ZNF519: variants seen among roughly 807,000 people sequenced by gnomAD.
The protein encoded by ZNF519 is similar to Zinc finger protein 85 (Zinc finger protein HPF4) (HTF1).
ZNF519 carries 7 observed loss-of-function variants against 7.4 expected under a neutral mutation model. The observed-to-expected ratio is 0.94, with a 90% CI of 0.54 to 1.77. The LOEUF (loss-of-function observed/expected upper bound fraction) is 1.77. Among genes scored for constraint, ZNF519 ranks in the 40% most tolerant of loss-of-function variants. ZNF519 has a pLI of 0.00. For synonymous variants in ZNF519, 179 were observed against 203.3 expected, an observed-to-expected ratio of 0.88 and a Z score of 1.02; for missense variants, 586 against 623.1, an observed-to-expected ratio of 0.94 and a Z score of 0.63.
rs955883573 is a variant in ZNF519, at chr18:14,100,579, T to G, written c.*4338A>C. The G allele has an allele frequency of 1.3e-5, 2 of 152,214 alleles. No homozygotes were observed. Among genetic ancestry groups the G allele is most frequent in the Admixed American group, 1.3e-4 (2 of 15,286 alleles). The allele number at this position is 152,214 out of a possible 1,614,324, so 9.4% of individuals were successfully genotyped here. A position where few individuals can be genotyped will look rare whatever the true frequency, so the allele number is the denominator to read the frequency against. On this transcript the variant is annotated 3_prime_UTR_variant, in exon 3 of 3. Transcript: ENST00000590202. Reference sequence around the variant, plus strand: ...AGGAAAAGGGCCAATTACAAAAGGTTGCACAGGTTATGATTTCATTTATAT... The same window carrying G: ...AGGAAAAGGGCCAATTACAAAAGGTGGCACAGGTTATGATTTCATTTATAT...
chr18:14,128,690 A>C (rs1324692894), intron 1 of ZNF519, among the ~76,000 whole-genome samples: 1 of 130,556 alleles, frequency 7.7e-6, no homozygotes, highest in African/African-American at 3.0e-5. Context: ...TTCTGAGTCA[A>C]ACACACACAC....
chr18:14,095,219 T>C (rs1038887670), downstream of ZNF519, among the ~76,000 whole-genome samples: 5 of 152,136 alleles, frequency 3.3e-5, no homozygotes. Flanking sequence ...TCTGCAAGTT[T>C]TTGCCTGGAG....
At chr18:14,127,436 G>C (rs1459091177) in intron 1 of ZNF519, among the ~76,000 whole-genome samples, 1 of 152,070 alleles carries the variant, frequency 6.6e-6, no homozygotes, top group Admixed American at 6.6e-5. Context: ...CTGCATTCTT[G>C]GGGGTTACAG....
Position 14,104,834 on chromosome 18 carries a change from T to C in ZNF519, c.*83A>G. 7.4e-7 allele frequency: 1 copy of C among 1,349,638 alleles called. No homozygotes were observed. Among genetic ancestry groups the C allele is most frequent in the Non-Finnish European group, 9.9e-7 (1 of 1,014,060 alleles). 83.6% of individuals were successfully genotyped at this position (1,349,638 alleles called of 1,614,324 possible). On this transcript the variant is annotated 3_prime_UTR_variant, in exon 3 of 3. Transcript: ENST00000590202. ...AAAATCATTACACATATGGGATTTC[T>C]ATCCAGTATTGATTTTCTAATGTTG...
rs757003662 is a variant in ZNF519 at position 14,105,690 on chromosome 18, T to C, written c.850A>G (p.Lys284Glu). Residue 284 changes from lysine (K) to glutamate (E), a missense_variant, in exon 3 of 3, where the codon AAA becomes GAA. Coordinates refer to ENST00000590202, the MANE Select transcript of ZNF519 (RefSeq NM_145287.4). ...TAAGGTTTCTCTCCAGTATGAATTTTCTGATGTCCAAGATGTAAGCCCCTG... is the reference window on the plus strand; with the variant it reads ...TAAGGTTTCTCTCCAGTATGAATTTCCTGATGTCCAAGATGTAAGCCCCTG... ...FTRGLHLGHQ[K>E]IHTGEKPYKC... 1.9e-6 allele frequency: 3 copies of C among 1,613,520 alleles called. No homozygotes were observed. The highest frequency in any genetic ancestry group is 2.7e-5 in the African/African-American group (2 of 74,824).
In ZNF519 at chr18:14,106,179, ATTCTTTGTCTCCTTTCACAGT is replaced by A; in HGVS notation, c.340_360del (p.Thr114_Glu120del). Reference sequence around the variant, plus strand: ...TGAGGCTTCTTCTGAAATATTCTATATTCTTTGTCTCCTTTCACAGTTAAATGTTTGTTATGACTAGTTGTC... The same window carrying A: ...TGAGGCTTCTTCTGAAATATTCTATATAAATGTTTGTTATGACTAGTTGTC... On this transcript the variant is annotated inframe_deletion, in exon 3 of 3. Transcript: ENST00000590202. 6.2e-7 allele frequency: 1 copy of A among 1,612,636 alleles called. No individual in the cohort carries two copies. Among genetic ancestry groups the A allele is most frequent in the Non-Finnish European group, 8.5e-7 (1 of 1,179,624 alleles).
At chr18:14,126,439 G>A (rs1290394110) in intron 1 of ZNF519, among the ~76,000 whole-genome samples, 1 of 152,122 alleles carries the variant, frequency 6.6e-6, no homozygotes, top group African/African-American at 2.4e-5. Context: ...CTTCTCTTCT[G>A]TCCATGAATA....
At chr18:14,095,346 T>A (rs2046131707), downstream of ZNF519, among the ~76,000 whole-genome samples, 1 of 152,168 alleles carries the variant, frequency 6.6e-6, no homozygotes, top group Admixed American at 6.5e-5. Context: ...CAGGGCCATG[T>A]GTTGTGCCTA....
downstream of ZNF519, chr18:14,075,936 C>T (rs928535028): frequency 2.0e-5 from 3 of 152,110 alleles, no homozygotes; most frequent in Admixed American, 1.3e-4. Context: ...ACCACACACA[C>T]ACATATTTAC....
intron 2 of ZNF519, among the ~76,000 whole-genome samples, chr18:14,115,651 C>CA: frequency 6.6e-6 from 1 of 152,168 alleles, no homozygotes; most frequent in Non-Finnish European, 1.5e-5. Context: ...TTTACAGAAG[C>CA]AAGTAAGTGG....
intron 2 of ZNF519, among the ~76,000 whole-genome samples, chr18:14,093,061 G>C (rs1457807838): frequency 1.3e-5 from 2 of 152,110 alleles, no homozygotes; most frequent in African/African-American, 4.8e-5. Context: ...CTATCACTTT[G>C]AGATGTATAT....
chr18:14,081,893 A>C (rs1322417466), intron 3 of ZNF519, among the ~76,000 whole-genome samples: 1 of 152,204 alleles, frequency 6.6e-6, no homozygotes, highest in East Asian at 1.9e-4. Flanking sequence ...AATGTTCTTA[A>C]AATTTTATGC....
chr18:14,087,959 CT>C (rs773495470), intron 2 of ZNF519, among the ~76,000 whole-genome samples: 9 of 152,114 alleles, frequency 5.9e-5, no homozygotes, highest in Non-Finnish European at 1.2e-4. Context: ...AAAATTCTGT[CT>C]GGAAAACAAG....
At chr18:14,091,268 C>T (rs1345075584) in intron 2 of ZNF519, among the ~76,000 whole-genome samples, 2 of 152,072 alleles carry the variant, frequency 1.3e-5, no homozygotes, top group African/African-American at 2.4e-5. Flanking sequence ...TAGGAAAAGA[C>T]TTTTTAAAGA....
exon 3 of ZNF519, chr18:14,085,059 G>A (rs936355087): frequency 1.3e-5 from 2 of 151,676 alleles, no homozygotes; most frequent in Non-Finnish European, 2.9e-5. Flanking sequence ...AATGGTCAAA[G>A]ACAATCTCGC....
In ZNF519 at chr18:14,106,266, C is replaced by T; in HGVS notation, c.274G>A (p.Glu92Lys). The T allele has an allele frequency of 1.9e-6, 3 of 1,613,438 alleles. No homozygotes were observed. Among genetic ancestry groups the T allele is most frequent in the Non-Finnish European group, 2.5e-6 (3 of 1,179,884 alleles). ...AGATTATAACATTCCTTTTGTCCTT[C>T]ACCTTCACCTATACTTTCCCAGTTT... is the stretch of plus-strand genomic sequence containing the variant. ...WKNWESIGEG[E>K]GQKECYNLCS... The change falls in exon 3 of 3, where the codon GAA (glutamate) becomes AAA (lysine). Residue 92 changes from glutamate (E) to lysine (K), a missense_variant. Transcript: ENST00000590202.
At chr18:14,084,647 C>T (rs142718928) in intron 3 of ZNF519, among the ~76,000 whole-genome samples, 31 of 152,212 alleles carry the variant, frequency 2.0e-4, no homozygotes, top group African/African-American at 7.2e-4. Context: ...CTCCCATTTC[C>T]GAGCCTTAGC....
chr18:14,110,331 A>G (rs116004718), intron 2 of ZNF519, among the ~76,000 whole-genome samples: 1,972 of 152,216 alleles, frequency 0.013, 40 homozygotes, highest in African/African-American at 0.044. Context: ...TGCAACAAAA[A>G]CAAACATAAA....
Position 14,102,468 on chromosome 18 carries a change from CCT to C in ZNF519, c.*2447_*2448del, listed in dbSNP as rs1005634088. The C allele has an allele frequency of 1.3e-4, 20 of 152,242 alleles. No individual in the cohort carries two copies. Among genetic ancestry groups the C allele is most frequent in the African/African-American group, 4.6e-4 (19 of 41,536 alleles). The allele number at this position is 152,242 out of a possible 1,614,324, so 9.4% of individuals were successfully genotyped here. On this transcript the variant is annotated 3_prime_UTR_variant, in exon 3 of 3. Coordinates refer to ENST00000590202, the MANE Select transcript of ZNF519 (RefSeq NM_145287.4). ...ACAGGCATTAGCCACTACGCCTGCC[CCT>C]GTCTTTCACTTTAAAGAGGCACAGA...
Sources: allele counts gnomAD v4.1 joint callset (sites outside exome capture counted in the v4.1 genomes callset), GRCh38; gene constraint gnomAD v4.1.1; transcripts MANE v1.5; gene names NCBI Gene and HGNC (gene_info 2026-07-23, HGNC 2026-07-21).